Variants in MPPED2 observed in about 807,000 individuals in gnomAD.
The protein encoded by MPPED2 is metallophosphoesterase MPPED2.
MPPED2 carries 5 observed loss-of-function variants against 33.0 expected under a neutral mutation model. The ratio of observed to expected loss-of-function variants is 0.15; its 90% CI spans 0.08 to 0.32. The LOEUF is 0.32. Ranked by LOEUF, MPPED2 falls within the 10% of genes least tolerant of loss-of-function variation. The pLI is 1.00. For missense variants in MPPED2, 275 were observed against 372.1 expected (o/e 0.74, Z 2.15); for synonymous variants, 136 against 141.9 (o/e 0.96, Z 0.29).
chr11:30,513,166 C>T (rs1429351050), intron 3 of MPPED2, among the ~76,000 whole-genome samples: 1 of 152,174 alleles, frequency 6.6e-6, no homozygotes, highest in African/African-American at 2.4e-5. Flanking sequence ...CAGCATTACC[C>T]TAGCAAGGAG....
chr11:30,569,314 G>T (rs1956591319), intron 2 of MPPED2, among the ~76,000 whole-genome samples: 1 of 152,098 alleles, frequency 6.6e-6, no homozygotes, highest in African/African-American at 2.4e-5. Flanking sequence ...TACCAAACAG[G>T]ATACCCAAGC....
At chr11:30,529,466 T>A (rs987937334) in intron 3 of MPPED2, among the ~76,000 whole-genome samples, 15 of 152,258 alleles carry the variant, frequency 9.9e-5, no homozygotes, top group Admixed American at 2.6e-4. Flanking sequence ...ATCGTTAAGA[T>A]GAAAAAGAGA....
chr11:30,445,655 C>T (rs1211084465), intron 4 of MPPED2, among the ~76,000 whole-genome samples: 1 of 152,198 alleles, frequency 6.6e-6, no homozygotes, highest in Non-Finnish European at 1.5e-5. Context: ...TACTTTCCAT[C>T]TTTATGAATT....
intron 4 of MPPED2, among the ~76,000 whole-genome samples, chr11:30,458,112 G>C (rs1950358443): frequency 6.6e-6 from 1 of 152,162 alleles, no homozygotes; most frequent in Non-Finnish European, 1.5e-5. Context: ...TTGTTCCTCA[G>C]CTTATTTTCT....
At chr11:30,581,279 C>T (rs1158210690) in intron 1 of MPPED2, among the ~76,000 whole-genome samples, 1 of 152,206 alleles carries the variant, frequency 6.6e-6, no homozygotes, top group Non-Finnish European at 1.5e-5. Context: ...CCACCTCATT[C>T]TTGGTGCAAC....
intron 6 of MPPED2, chr11:30,389,046 A>AT: frequency 6.9e-7 from 1 of 1,444,676 alleles, no homozygotes; most frequent in East Asian, 2.5e-5. Flanking sequence ...TGGTGTCTTG[A>AT]TTACCTTCCC....
intron 3 of MPPED2, among the ~76,000 whole-genome samples, chr11:30,529,920 C>G (rs1029295150): frequency 3.0e-4 from 45 of 152,140 alleles, no homozygotes; most frequent in Admixed American, 1.1e-3. Context: ...TTTTTGTTCT[C>G]CCTTTTAGGG....
downstream of MPPED2, chr11:30,409,952 T>C (rs1948047427): frequency 5.7e-6 from 2 of 350,438 alleles, no homozygotes; most frequent in African/African-American, 4.4e-5. Flanking sequence ...AACTCCAGTC[T>C]CTCTGTTCCT....
chr11:30,536,515 C>T (rs953772608), intron 2 of MPPED2, among the ~76,000 whole-genome samples: 4 of 152,120 alleles, frequency 2.6e-5, no homozygotes, highest in Non-Finnish European at 5.9e-5. Flanking sequence ...CAAAATTATG[C>T]TATTTCTCTC....
chr11:30,555,936 C>A (rs1205868680), intron 2 of MPPED2, among the ~76,000 whole-genome samples: 1 of 152,080 alleles, frequency 6.6e-6, no homozygotes, highest in Non-Finnish European at 1.5e-5. Flanking sequence ...TTTAGGAAAT[C>A]TCTTTCTTCC....
intron 2 of MPPED2, among the ~76,000 whole-genome samples, chr11:30,561,923 G>A (rs1354885098): frequency 6.6e-6 from 1 of 152,096 alleles, no homozygotes; most frequent in Non-Finnish European, 1.5e-5. Flanking sequence ...TAACCTCTGT[G>A]AACTTCTCAA....
At chr11:30,438,704 T>C (rs1431139056) in intron 4 of MPPED2, among the ~76,000 whole-genome samples, 1 of 152,244 alleles carries the variant, frequency 6.6e-6, no homozygotes. Flanking sequence ...ATCCTATCTG[T>C]ACTACCTGCC....
At chr11:30,540,657 A>C (rs531652772) in intron 2 of MPPED2, among the ~76,000 whole-genome samples, 2 of 152,280 alleles carry the variant, frequency 1.3e-5, no homozygotes, top group South Asian at 4.2e-4. Flanking sequence ...CTTTGTGAGA[A>C]TTAAAAGAAA....
chr11:30,409,553 C>T (rs1948040158), downstream of MPPED2, among the ~76,000 whole-genome samples: 1 of 152,202 alleles, frequency 6.6e-6, no homozygotes, highest in Admixed American at 6.5e-5. Flanking sequence ...AACATTCTGT[C>T]AATTCTGCTG....
intron 3 of MPPED2, among the ~76,000 whole-genome samples, chr11:30,497,206 G>T (rs1952305891): frequency 6.6e-6 from 1 of 152,308 alleles, no homozygotes; most frequent in African/African-American, 2.4e-5. Flanking sequence ...ATAGCAAGTT[G>T]TTTGGATAGA....
intron 6 of MPPED2, among the ~76,000 whole-genome samples, chr11:30,391,873 A>G (rs1421778149): frequency 6.6e-6 from 1 of 152,180 alleles, no homozygotes; most frequent in Non-Finnish European, 1.5e-5. Context: ...AAGTCACATG[A>G]AAAGGGTCTG....
At chr11:30,433,881 C>T (rs1241304849) in intron 4 of MPPED2, among the ~76,000 whole-genome samples, 1 of 152,148 alleles carries the variant, frequency 6.6e-6, no homozygotes, top group Non-Finnish European at 1.5e-5. Flanking sequence ...CAAAATTAGT[C>T]TCACTGTACT....
rs1012351315 is a variant in MPPED2, at chr11:30,529,861, T to C, written c.310+6133A>G. ...TCTGTTACAGCCATGTCTAACAAAATGCTCTTACAAATATGAATGACCCTC... is the reference window on the plus strand; with the variant it reads ...TCTGTTACAGCCATGTCTAACAAAACGCTCTTACAAATATGAATGACCCTC... On this transcript the variant is annotated intron_variant, in intron 3 of 6. Transcript: ENST00000358117. Among the ~76,000 whole-genome samples, 7 of 152,198 alleles carry C rather than the reference T, an allele frequency of 4.6e-5. No homozygotes were observed. The East Asian group carries it at 1.2e-3, about 25-fold the overall frequency.
chr11:30,513,524 C>T (rs1041745823), intron 3 of MPPED2, among the ~76,000 whole-genome samples: 4 of 152,152 alleles, frequency 2.6e-5, no homozygotes, highest in African/African-American at 9.7e-5. Context: ...ATGCCAAATA[C>T]GTGATCTTCA....
Sources: allele counts gnomAD v4.1 joint callset (sites outside exome capture counted in the v4.1 genomes callset), GRCh38; gene constraint gnomAD v4.1.1; transcripts MANE v1.5; gene names NCBI Gene and HGNC (gene_info 2026-07-23, HGNC 2026-07-21).